The following PARD3B variants were observed in gnomAD, a reference collection of about 807,000 sequenced individuals.
The protein encoded by PARD3B is par-3 family cell polarity regulator beta.
PARD3B carries 103 observed loss-of-function variants against 130.2 expected under a neutral mutation model. That is an observed-to-expected ratio of 0.79 (90% CI 0.67 to 0.93). The LOEUF is 0.93. Among genes scored for constraint, PARD3B ranks in the 40% least tolerant of loss-of-function variants. The pLI, the probability that PARD3B is intolerant of heterozygous loss-of-function variation, is 0.00. For missense variants in PARD3B, 1,609 were observed against 1,499.2 expected (o/e 1.07, Z -1.21); for synonymous variants, 583 against 553.2 (o/e 1.05, Z -0.76).
chr2:204,970,884 G>T (rs890714165), intron 3 of PARD3B, among the ~76,000 whole-genome samples: 1 of 152,108 alleles, frequency 6.6e-6, no homozygotes, highest in Non-Finnish European at 1.5e-5. Flanking sequence ...CTTTCTATTT[G>T]AAAGTGATTC....
At chr2:205,613,739 T>G (rs1559271953) in intron 22 of PARD3B, among the ~76,000 whole-genome samples, 1 of 152,202 alleles carries the variant, frequency 6.6e-6, no homozygotes, top group African/African-American at 2.4e-5. Flanking sequence ...GACAAAAAAG[T>G]AGAGAGAATT....
chr2:204,818,398 A>G (rs1232344301), intron 2 of PARD3B, among the ~76,000 whole-genome samples: 3 of 152,154 alleles, frequency 2.0e-5, no homozygotes, highest in Non-Finnish European at 2.9e-5. Flanking sequence ...AATGTAAACT[A>G]TTTGCTTCTT....
chr2:204,730,585 GAAA>G (rs201459754), intron 2 of PARD3B, among the ~76,000 whole-genome samples: 3 of 134,716 alleles, frequency 2.2e-5, no homozygotes, highest in South Asian at 2.4e-4. Flanking sequence ...AAAAAAAAAA[GAAA>G]AAAAAAAAAA....
At position 205,473,722 on chromosome 2, in the gene PARD3B, A is replaced by G. The variant is rs1487441284; in HGVS notation, c.3045-26174A>G. The stretch of plus-strand genomic sequence containing the variant: ...TATATATATATATACACACACACGT[A>G]TATAAAACCCTAAATATATATATAT... On this transcript the variant is annotated intron_variant, in intron 20 of 22. Coordinates refer to ENST00000406610, the MANE Select transcript of PARD3B (RefSeq NM_001302769.2). The surrounding 1 kb of genome is among the most constrained non-coding windows in gnomAD (Gnocchi z 4.9). Among the ~76,000 whole-genome samples, 1 of 139,556 alleles carries G rather than the reference A, an allele frequency of 7.2e-6. No individual in the cohort carries two copies. Among genetic ancestry groups the G allele is most frequent in the Non-Finnish European group, 1.5e-5 (1 of 66,134 alleles). 91.6% of individuals were successfully genotyped at this position (139,556 alleles called of 152,430 possible).
rs368296064 is a variant in PARD3B at position 205,153,794 on chromosome 2, G to C, written c.1435-4928G>C. Among the ~76,000 whole-genome samples, 18 of 152,308 alleles carry C rather than the reference G, an allele frequency of 1.2e-4. No homozygotes were observed. The East Asian group carries it at 3.1e-3, about 26-fold the overall frequency. ...AAACCTGACAAAAACAAGAAATGGG[G>C]AAAGGATTCCCTATTTAATAAATGG... On this transcript the variant is annotated intron_variant, in intron 10 of 22. Transcript: ENST00000406610.
At chr2:204,957,850 T>C (rs1690399461) in intron 2 of PARD3B, among the ~76,000 whole-genome samples, 2 of 152,204 alleles carry the variant, frequency 1.3e-5, no homozygotes, top group South Asian at 4.1e-4. Flanking sequence ...TACTTAGATT[T>C]AATTGTGTTT....
intron 3 of PARD3B, among the ~76,000 whole-genome samples, chr2:204,978,221 T>C (rs1692359953): frequency 1.3e-5 from 2 of 152,176 alleles, no homozygotes; most frequent in Non-Finnish European, 2.9e-5. Flanking sequence ...AGTCTGTGTG[T>C]CTCTGAGGTG....
Position 205,122,046 on chromosome 2 carries a change from C to T in PARD3B, c.1165+97C>T. 1 of 991,834 alleles carries T rather than the reference C, an allele frequency of 1.0e-6. No homozygotes were observed. Among genetic ancestry groups the T allele is most frequent in the Non-Finnish European group, 1.5e-6 (1 of 687,608 alleles). The allele number at this position is 991,834 out of a possible 1,614,324, so 61.4% of individuals were successfully genotyped here. On this transcript the variant is annotated intron_variant, in intron 8 of 22. Transcript: ENST00000406610. This position sits in a 1 kb window ranked among gnomAD's most constrained non-coding sequence, Gnocchi z 4.3. ...AGGCTAATTTAGTTAATTCTCCCTT[C>T]ATTTAATTGTATCAAAGAATAGATT...
In PARD3B at chr2:205,560,516, C is replaced by A. The variant is rs577183272; in HGVS notation, c.3260+7113C>A. Among the ~76,000 whole-genome samples the A allele has an allele frequency of 1.1e-4, 17 of 152,206 alleles. No individual in the cohort carries two copies. The South Asian group carries it at 3.3e-3, about 30-fold the overall frequency. On this transcript the variant is annotated intron_variant, in intron 22 of 22. Coordinates refer to ENST00000406610, the MANE Select transcript of PARD3B (RefSeq NM_001302769.2). ...CTGAGAGTTGAAAAAACAGTGTCTG[C>A]AAATTGGTACTGTAGTTCCTTAAGA...
chr2:204,929,234 A>G (rs1049612736), intron 2 of PARD3B, among the ~76,000 whole-genome samples: 1 of 152,128 alleles, frequency 6.6e-6, no homozygotes, highest in Non-Finnish European at 1.5e-5. Flanking sequence ...ATAGGTAAGC[A>G]TGCTGTTTTT....
chr2:204,779,351 G>C (rs570397078), intron 2 of PARD3B, among the ~76,000 whole-genome samples: 1 of 152,190 alleles, frequency 6.6e-6, no homozygotes, highest in East Asian at 1.9e-4. Flanking sequence ...AAATTTATTT[G>C]GGGCAGATGA....
chr2:205,543,383 G>A (rs1166291238), intron 21 of PARD3B, among the ~76,000 whole-genome samples: 2 of 152,146 alleles, frequency 1.3e-5, no homozygotes, highest in African/African-American at 2.4e-5. Flanking sequence ...TAGGCCTTTG[G>A]AGTTCAGTGA....
At chr2:204,644,185 A>T (rs2035191005) in intron 1 of PARD3B, among the ~76,000 whole-genome samples, 1 of 151,846 alleles carries the variant, frequency 6.6e-6, no homozygotes, top group South Asian at 2.1e-4. Context: ...CAGCCATGTT[A>T]CACCTCCTCT....
chr2:204,846,771 T>G (rs1323275846), intron 2 of PARD3B, among the ~76,000 whole-genome samples: 1 of 151,608 alleles, frequency 6.6e-6, no homozygotes, highest in African/African-American at 2.4e-5. Flanking sequence ...CCTTGTTGGA[T>G]GAATGCATTG....
intron 2 of PARD3B, among the ~76,000 whole-genome samples, chr2:204,953,405 T>G (rs1689956477): frequency 1.6e-5 from 2 of 121,942 alleles, no homozygotes; most frequent in African/African-American, 3.0e-5. Flanking sequence ...ATATATATGT[T>G]AACATACACA....
chr2:204,741,762 TGGGGACACAAGCCATCTGGCCCAGG>T lies in PARD3B; in HGVS notation c.222+55482_222+55506del, dbSNP rs1416130066. 3.3e-5 allele frequency among the ~76,000 whole-genome samples: 5 copies of T among 152,154 alleles called. No homozygotes were observed. The East Asian group carries it at 7.7e-4, about 23-fold the overall frequency. On this transcript the variant is annotated intron_variant, in intron 2 of 22. Transcript: ENST00000406610. ...AAGTCATTTTAGGGGGCTGTCCCAG[TGGGGACACAAGCCATCTGGCCCAGG>T]GATATTATGTGCTTCTCAACTGTGA...
In PARD3B at chr2:205,015,665, C is replaced by A. The variant is rs945766019; in HGVS notation, c.395-31916C>A. ...TGACATCTGCTTTGTCCTCCGTATC[C>A]ATACTTTCTTACTCTAGATACTGAG... On this transcript the variant is annotated intron_variant, in intron 3 of 22. Coordinates refer to ENST00000406610, the MANE Select transcript of PARD3B (RefSeq NM_001302769.2). The surrounding 1 kb of genome is among the most constrained non-coding windows in gnomAD (Gnocchi z 4.5). Among the ~76,000 whole-genome samples the A allele has an allele frequency of 3.3e-5, 5 of 152,136 alleles. No individual in the cohort carries two copies. The highest frequency in any genetic ancestry group is 7.4e-5 in the Non-Finnish European group (5 of 68,018).
At chr2:204,746,410 T>C (rs972430742) in intron 2 of PARD3B, among the ~76,000 whole-genome samples, 1 of 151,960 alleles carries the variant, frequency 6.6e-6, no homozygotes, top group African/African-American at 2.4e-5. Context: ...GTTCCAAGTC[T>C]TTGCTATTGT....
At chr2:204,954,750 C>T (rs930210243) in intron 2 of PARD3B, among the ~76,000 whole-genome samples, 2 of 152,172 alleles carry the variant, frequency 1.3e-5, no homozygotes, top group African/African-American at 2.4e-5. Context: ...CTATTTTAGT[C>T]AGAACATTCA....
Sources: gnomAD v4.1 joint callset for allele counts (sites outside exome capture counted in the v4.1 genomes callset) on GRCh38, gnomAD v4.1.1 for gene constraint, Gnocchi (gnomAD v3.1) non-coding constraint, MANE v1.5 for transcripts, NCBI Gene and HGNC (gene_info 2026-07-23, HGNC 2026-07-21) for gene names.